The following TOGARAM1 variants were observed in gnomAD, a reference collection of about 807,000 sequenced individuals.
TOGARAM1 encodes TOG array regulator of axonemal microtubules 1.
Under a neutral mutation model 166.6 loss-of-function variants are expected in TOGARAM1, and 100 were observed. That is an observed-to-expected ratio of 0.60 (90% CI 0.51 to 0.71). The LOEUF (loss-of-function observed/expected upper bound fraction) is 0.71. Ranked by LOEUF, TOGARAM1 falls within the 30% of genes least tolerant of loss-of-function variation. The probability of loss-of-function intolerance (pLI) is 0.00; values close to 1 mark genes in which losing one functional copy is unlikely to be tolerated. For synonymous variants in TOGARAM1, 758 were observed against 763.8 expected (o/e 0.99, Z 0.13); for missense variants, 2,029 against 2,102.7 (o/e 0.96, Z 0.69).
At chr14:45,057,003 G>A (rs1198225063) in intron 16 of TOGARAM1, among the ~76,000 whole-genome samples, 1 of 152,084 alleles carries the variant, frequency 6.6e-6, no homozygotes, top group Non-Finnish European at 1.5e-5. Flanking sequence ...GAATTCGACT[G>A]TGAACCCATC....
chr14:45,068,785 A>C, intron 18 of TOGARAM1, 142 bp downstream of exon 18: 1 of 558,882 alleles, frequency 1.8e-6, no homozygotes, highest in Non-Finnish European at 2.9e-6. Context: ...TTCTATTCTC[A>C]ATGGTTTTAA....
intron 14 of TOGARAM1, 116 bp downstream of exon 14, chr14:45,046,819 G>C: frequency 1.2e-6 from 1 of 842,070 alleles, no homozygotes; most frequent in Non-Finnish European, 1.6e-6. Context: ...GGGTCCCAGG[G>C]ATTGGTGCTG....
rs990251773 is a variant in TOGARAM1, at chr14:45,028,108, T to C, written c.3505-68T>C. On this transcript the variant is annotated intron_variant, in intron 9 of 19. Coordinates refer to ENST00000361462, the MANE Select transcript of TOGARAM1 (RefSeq NM_001308120.2). Reference sequence around the variant, plus strand: ...AATATCCTCAGACACAAATTAGTTATCTGAGATGAAGATATTTTAAATATC... The same window carrying C: ...AATATCCTCAGACACAAATTAGTTACCTGAGATGAAGATATTTTAAATATC... The C allele has an allele frequency of 4.6e-5, 63 of 1,376,828 alleles. No homozygotes were observed. The African/African-American group carries it at 7.9e-4, about 17-fold the overall frequency. 85.3% of individuals were successfully genotyped at this position (1,376,828 alleles called of 1,614,324 possible).
Position 45,073,916 on chromosome 14 carries a change from G to T in TOGARAM1, c.*355G>T. 1 of 168,960 alleles carries T rather than the reference G, an allele frequency of 5.9e-6. No individual in the cohort carries two copies. The highest frequency in any genetic ancestry group is 1.3e-5 in the Non-Finnish European group (1 of 78,666). The allele number at this position is 168,960 out of a possible 1,614,324, so 10.5% of individuals were successfully genotyped here. A position where few individuals can be genotyped will look rare whatever the true frequency, so the allele number is the denominator to read the frequency against. On this transcript the variant is annotated 3_prime_UTR_variant, in exon 20 of 20. Transcript: ENST00000361462. ...TAATTAAAAATACACATTTTATTAT[G>T]TAATCATGTTCTGGTATGTCTCATT...
At chr14:45,068,233 A>C (rs1883222476) in intron 17 of TOGARAM1, among the ~76,000 whole-genome samples, 191 bp from the exon 18 acceptor site, 1 of 152,280 alleles carries the variant, frequency 6.6e-6, no homozygotes, top group East Asian at 1.9e-4. Context: ...TGTTACAAGA[A>C]GATTTGACAC....
chr14:45,039,103 C>CA (rs927351044), intron 11 of TOGARAM1, among the ~76,000 whole-genome samples: 1 of 152,146 alleles, frequency 6.6e-6, no homozygotes, highest in Non-Finnish European at 1.5e-5. Context: ...GGTGTCTCTG[C>CA]AGCCCTCAGC....
intron 1 of TOGARAM1, among the ~76,000 whole-genome samples, chr14:44,987,868 A>G (rs1213758631): frequency 2.0e-5 from 3 of 149,940 alleles, no homozygotes; most frequent in Middle Eastern, 3.4e-3. Flanking sequence ...ATGTCCAACA[A>G]TGATAGACTG....
At chr14:45,003,414 T>C (rs1473833109) in intron 3 of TOGARAM1, among the ~76,000 whole-genome samples, 1 of 151,906 alleles carries the variant, frequency 6.6e-6, no homozygotes, top group South Asian at 2.1e-4. Context: ...AAGAAAAAAA[T>C]AATAAATAGT....
At chr14:44,964,543 C>T in intron 1 of TOGARAM1, 76 bp downstream of exon 1, 2 of 1,455,360 alleles carry the variant, frequency 1.4e-6, no homozygotes, top group South Asian at 2.8e-5. Flanking sequence ...ACTTAAGGGT[C>T]AGCCTGCTTG....
In TOGARAM1 at chr14:45,048,234, T is replaced by TGGAA. The variant is rs1249167435; in HGVS notation, c.4313+1531_4313+1532insGGAA. ...GGGCATGGCGGCATGCGCCTGTAGTTCCAGCTACTCGGGAGGCTGAGGCAG... is the reference window on the plus strand; with the variant it reads ...GGGCATGGCGGCATGCGCCTGTAGTTGGAACCAGCTACTCGGGAGGCTGAGGCAG... On this transcript the variant is annotated intron_variant, in intron 14 of 19. Coordinates refer to ENST00000361462, the MANE Select transcript of TOGARAM1 (RefSeq NM_001308120.2). Among the ~76,000 whole-genome samples, 3 of 137,858 alleles carry TGGAA rather than the reference T, an allele frequency of 2.2e-5. No homozygotes were observed. The East Asian group carries it at 6.6e-4, about 30-fold the overall frequency. The allele number at this position is 137,858 out of a possible 152,430, so 90.4% of individuals were successfully genotyped here. A position where few individuals can be genotyped will look rare whatever the true frequency, so the allele number is the denominator to read the frequency against.
rs1366901386 is a variant in TOGARAM1 at position 45,040,900 on chromosome 14, G to T, written c.3813-2786G>T. Among the ~76,000 whole-genome samples, 3 of 152,034 alleles carry T rather than the reference G, an allele frequency of 2.0e-5. No individual in the cohort carries two copies. The East Asian group carries it at 5.8e-4, about 29-fold the overall frequency. ...CTAAAAATACAAAAATTGGCCAGGT[G>T]TGGCGGCCCATGCCTGTAATCCCAG... On this transcript the variant is annotated intron_variant, in intron 11 of 19. Transcript: ENST00000361462.
chr14:45,048,949 C>T lies in TOGARAM1; in HGVS notation c.4313+2246C>T, dbSNP rs185726803. ...TCGAGATCACACTATTGCATTCCAACCTGGGTGACAGAGTGGGACAGAGGG... is the reference window on the plus strand; with the variant it reads ...TCGAGATCACACTATTGCATTCCAATCTGGGTGACAGAGTGGGACAGAGGG... On this transcript the variant is annotated intron_variant, in intron 14 of 19. Coordinates refer to ENST00000361462, the MANE Select transcript of TOGARAM1 (RefSeq NM_001308120.2). Among the ~76,000 whole-genome samples, 3 of 149,042 alleles carry T rather than the reference C, an allele frequency of 2.0e-5. No homozygotes were observed. In the Admixed American group the frequency reaches 2.1e-4, roughly 10 times the overall value.
chr14:45,073,249 CTTAT>C (rs1883459627), intron 19 of TOGARAM1, 43 bp from the exon 20 acceptor site: 1 of 1,539,444 alleles, frequency 6.5e-7, no homozygotes, highest in Non-Finnish European at 8.8e-7. Flanking sequence ...AGAGCTTGGG[CTTAT>C]TTATTAAGAA....
chr14:45,003,077 T>C (rs1022705086), intron 3 of TOGARAM1, among the ~76,000 whole-genome samples: 3 of 152,194 alleles, frequency 2.0e-5, no homozygotes, highest in Non-Finnish European at 2.9e-5. Context: ...GTAATTGAAA[T>C]GAGGAAACTG....
chr14:45,038,902 C>T (rs1466337796), intron 11 of TOGARAM1, among the ~76,000 whole-genome samples: 1 of 152,170 alleles, frequency 6.6e-6, no homozygotes, highest in Non-Finnish European at 1.5e-5. Context: ...TAACAGTATA[C>T]CTCTCAGAAG....
rs1423299722 is a variant in TOGARAM1 at position 44,999,458 on chromosome 14, T to G, written c.2299T>G (p.Leu767Val). 2.5e-6 allele frequency: 4 copies of G among 1,612,094 alleles called. No homozygotes were observed. The Admixed American group carries it at 6.7e-5, about 27-fold the overall frequency. The change falls in exon 3 of 20, where the codon TTA becomes GTA. Residue 767 changes from leucine to valine, a missense_variant. Transcript: ENST00000361462. ...TAAAACTGGCAGTGTGGGTTCTGAC[T>G]TACAATTCCTAGGGACAACTAGCAG... ...CGKTGSVGSD[L>V]QFLGTTSSHQ...
chr14:45,060,503 A>T (rs2138991193), intron 16 of TOGARAM1, among the ~76,000 whole-genome samples: 2 of 152,286 alleles, frequency 1.3e-5, no homozygotes, highest in South Asian at 2.1e-4. Context: ...GACATGAGCC[A>T]CCACACCCAG....
intron 11 of TOGARAM1, among the ~76,000 whole-genome samples, chr14:45,032,785 A>G (rs1221611928): frequency 6.6e-6 from 1 of 152,172 alleles, no homozygotes; most frequent in Non-Finnish European, 1.5e-5. Context: ...GACAGTGGCA[A>G]TGTGCATCCC....
At chr14:44,984,513 G>A (rs1485564103) in intron 1 of TOGARAM1, among the ~76,000 whole-genome samples, 1 of 151,734 alleles carries the variant, frequency 6.6e-6, no homozygotes, top group African/African-American at 2.4e-5. Flanking sequence ...ACAGCTAGAG[G>A]CAGTGGCTTG....
Sources: gnomAD v4.1 joint callset for allele counts (sites outside exome capture counted in the v4.1 genomes callset) on GRCh38, gnomAD v4.1.1 for gene constraint, MANE v1.5 for transcripts, NCBI Gene and HGNC (gene_info 2026-07-23, HGNC 2026-07-21) for gene names.